Variants in DCDC2C observed in about 807,000 individuals in gnomAD.
DCDC2C encodes doublecortin domain-containing protein 2C.
A neutral mutation model predicts 45.0 loss-of-function variants in DCDC2C; 44 were observed. That is an observed-to-expected ratio of 0.98 (90% CI 0.77 to 1.26). The LOEUF (loss-of-function observed/expected upper bound fraction) is 1.26, where lower values mean the gene tolerates loss of function less well. Among genes scored for constraint, DCDC2C ranks in the 50% most tolerant of loss-of-function variants. The probability of loss-of-function intolerance (pLI) is 0.00; values close to 1 mark genes in which losing one functional copy is unlikely to be tolerated. For synonymous variants in DCDC2C, 187 were observed against 178.8 expected, an observed-to-expected ratio of 1.05 and a Z score of -0.37; for missense variants, 447 against 468.9, an observed-to-expected ratio of 0.95 and a Z score of 0.43.
At chr2:3,782,272 T>C (rs1395571152) in intron 9 of DCDC2C, among the ~76,000 whole-genome samples, 1 of 152,186 alleles carries the variant, frequency 6.6e-6, no homozygotes. Context: ...TATAATTATG[T>C]ATGTCAATAG....
chr2:3,799,439 G>A lies in DCDC2C; in HGVS notation c.1065+14339G>A, dbSNP rs13390971. ...ACTGCGTTCCTTTGGAGGAGGAGAG[G>A]TGCTCTGCTTTTTAGAGTTTCCAGT... On this transcript the variant is annotated intron_variant, in intron 10 of 10. Coordinates refer to ENST00000399143, the MANE Select transcript of DCDC2C (RefSeq NM_001287444.2). Among the ~76,000 whole-genome samples the A allele has an allele frequency of 4.8e-3, 713 of 149,106 alleles. 2 individuals carry two copies. Among genetic ancestry groups the A allele is most frequent in the African/African-American group, 0.017 (679 of 40,590 alleles).
chr2:3,744,439 T>C (rs73144832), intron 4 of DCDC2C, among the ~76,000 whole-genome samples: 2,786 of 152,280 alleles, frequency 0.018, 82 homozygotes, highest in African/African-American at 0.064. Context: ...CACCTGGGGA[T>C]GCTTCTGGGC....
intron 2 of DCDC2C, among the ~76,000 whole-genome samples, chr2:3,722,349 G>T (rs1049011435): frequency 2.6e-5 from 4 of 152,214 alleles, no homozygotes; most frequent in East Asian, 3.8e-4. Context: ...GCTGTATGTT[G>T]TTGGGAAGAT....
intron 10 of DCDC2C, among the ~76,000 whole-genome samples, chr2:3,830,907 C>G (rs185960587): frequency 6.6e-6 from 1 of 152,058 alleles, no homozygotes; most frequent in Non-Finnish European, 1.5e-5. Context: ...CTTTGTTGGC[C>G]GAACTCACTC....
chr2:3,754,367 G>A (rs1434146690), intron 5 of DCDC2C, among the ~76,000 whole-genome samples: 1 of 152,224 alleles, frequency 6.6e-6, no homozygotes, highest in Non-Finnish European at 1.5e-5. Context: ...GTGGTAGAAG[G>A]AGGATGGGCT....
intron 6 of DCDC2C, among the ~76,000 whole-genome samples, chr2:3,760,106 A>G (rs116519319): frequency 6.6e-6 from 1 of 152,334 alleles, no homozygotes; most frequent in Non-Finnish European, 1.5e-5. Flanking sequence ...GATCTCTGTC[A>G]TCAGACTTCC....
At chr2:3,722,688 A>G (rs1668533095) in intron 2 of DCDC2C, among the ~76,000 whole-genome samples, 1 of 152,368 alleles carries the variant, frequency 6.6e-6, no homozygotes, top group South Asian at 2.1e-4. Flanking sequence ...GACATTGTTC[A>G]GGAGATTATT....
intron 2 of DCDC2C, among the ~76,000 whole-genome samples, chr2:3,715,432 C>T (rs865934964): frequency 3.3e-5 from 5 of 152,238 alleles, no homozygotes; most frequent in South Asian, 2.1e-4. Flanking sequence ...CATGCTGGTG[C>T]CATAGCTTTG....
intron 10 of DCDC2C, among the ~76,000 whole-genome samples, chr2:3,839,766 G>A (rs1001196381): frequency 3.3e-5 from 5 of 152,076 alleles, no homozygotes; most frequent in African/African-American, 1.2e-4. Flanking sequence ...GCTCCCACAC[G>A]TCTTTTTCAT....
intron 10 of DCDC2C, among the ~76,000 whole-genome samples, chr2:3,811,623 A>G (rs1343020505): frequency 6.6e-6 from 1 of 152,198 alleles, no homozygotes; most frequent in Non-Finnish European, 1.5e-5. Context: ...TATATTGAAT[A>G]GAAGTGGTGA....
intron 8 of DCDC2C, among the ~76,000 whole-genome samples, chr2:3,776,773 G>A (rs2148167633): frequency 6.6e-6 from 1 of 152,316 alleles, no homozygotes; most frequent in South Asian, 2.1e-4. Context: ...AACACCTCCT[G>A]TAGATGTCCT....
intron 10 of DCDC2C, among the ~76,000 whole-genome samples, chr2:3,805,929 C>T (rs1409953511): frequency 4.6e-5 from 7 of 152,184 alleles, no homozygotes; most frequent in Admixed American, 2.0e-4. Context: ...GGCTAGAGTG[C>T]GGGTTGTACT....
intron 3 of DCDC2C, among the ~76,000 whole-genome samples, chr2:3,730,799 ATTTATGAGAAAG>A (rs1346730891): frequency 2.0e-5 from 3 of 152,186 alleles, no homozygotes; most frequent in Non-Finnish European, 4.4e-5. Context: ...AACATTCTGC[ATTTATGAGAAAG>A]TTTGCTGCTT....
chr2:3,774,869 G>T (rs548900592), intron 8 of DCDC2C, among the ~76,000 whole-genome samples: 2 of 151,762 alleles, frequency 1.3e-5, no homozygotes, highest in Non-Finnish European at 2.9e-5. Context: ...CAGTTCAAGC[G>T]ATTCTCCTGC....
intron 10 of DCDC2C, among the ~76,000 whole-genome samples, chr2:3,825,334 G>A (rs963726844): frequency 1.3e-5 from 2 of 152,186 alleles, no homozygotes; most frequent in East Asian, 1.9e-4. Context: ...CCCTGCCCTA[G>A]GGAAGCCAGG....
At position 3,703,582 on chromosome 2, in the gene DCDC2C, TC is replaced by T; in HGVS notation, c.-167del. On this transcript the variant is annotated 5_prime_UTR_variant, in exon 1 of 11. Transcript: ENST00000399143. The surrounding 1 kb of genome is among the most constrained non-coding windows in gnomAD (Gnocchi z 4.4). ...AGCCTCCGCCCGCCTGGCAGCCCCGTCCCGTCCCCGTCCAGCCCCCGTCCCG... is the reference window on the plus strand; with the variant it reads ...AGCCTCCGCCCGCCTGGCAGCCCCGTCCGTCCCCGTCCAGCCCCCGTCCCG... 1.6e-6 allele frequency: 1 copy of T among 616,916 alleles called. No individual in the cohort carries two copies. The highest frequency in any genetic ancestry group is 2.2e-6 in the Non-Finnish European group (1 of 450,388). 38.2% of individuals were successfully genotyped at this position (616,916 alleles called of 1,614,324 possible).
At chr2:3,793,065 C>T (rs1435342910) in intron 10 of DCDC2C, among the ~76,000 whole-genome samples, 1 of 152,120 alleles carries the variant, frequency 6.6e-6, no homozygotes, top group Non-Finnish European at 1.5e-5. Flanking sequence ...CTCGTTTGTT[C>T]ATCTTCAGGA....
At chr2:3,839,404 A>C (rs924854315) in intron 10 of DCDC2C, among the ~76,000 whole-genome samples, 1 of 152,266 alleles carries the variant, frequency 6.6e-6, no homozygotes, top group Non-Finnish European at 1.5e-5. Context: ...ACAAAAATAA[A>C]TGAAAATAAA....
intron 10 of DCDC2C, among the ~76,000 whole-genome samples, chr2:3,806,937 C>T (rs557532094): frequency 8.5e-5 from 13 of 152,176 alleles, no homozygotes; most frequent in Middle Eastern, 6.8e-3. Flanking sequence ...GGTGTTGCGA[C>T]GGAGTCCTTG....
Sources: gnomAD v4.1 joint callset for allele counts (sites outside exome capture counted in the v4.1 genomes callset) on GRCh38, gnomAD v4.1.1 for gene constraint, Gnocchi (gnomAD v3.1) non-coding constraint, MANE v1.5 for transcripts, NCBI Gene and HGNC (gene_info 2026-07-23, HGNC 2026-07-21) for gene names.